IGSF21: variants seen among roughly 807,000 people sequenced by gnomAD.
The protein encoded by IGSF21 is immunoglobulin superfamily member 21.
In IGSF21, 28 loss-of-function variants were observed where a neutral mutation model predicts 46.8. The observed-to-expected ratio is 0.60, with a 90% CI of 0.44 to 0.82. The LOEUF (loss-of-function observed/expected upper bound fraction) is 0.82, where lower values mean the gene tolerates loss of function less well. Among genes scored for constraint, IGSF21 ranks in the 40% least tolerant of loss-of-function variants. The pLI is 0.00. For missense variants in IGSF21, 624 were observed against 665.5 expected (o/e 0.94, Z 0.69); for synonymous variants, 284 against 273.6 (o/e 1.04, Z -0.38).
At chr1:18,209,508 G>T (rs1162127557) in intron 1 of IGSF21, among the ~76,000 whole-genome samples, 1 of 151,716 alleles carries the variant, frequency 6.6e-6, no homozygotes, top group African/African-American at 2.4e-5. Context: ...AGGCTGGAGG[G>T]CAATGGGGTG....
At chr1:18,359,887 C>A (rs569127937) in intron 4 of IGSF21, among the ~76,000 whole-genome samples, 1 of 152,276 alleles carries the variant, frequency 6.6e-6, no homozygotes, top group South Asian at 2.1e-4. Flanking sequence ...TCCCAAAGGT[C>A]GAGGTGGCTC....
At chr1:18,213,827 T>C (rs12217038) in intron 1 of IGSF21, among the ~76,000 whole-genome samples, 14,221 of 152,164 alleles carry the variant, frequency 0.093, 812 homozygotes, top group East Asian at 0.14. Context: ...CAGGAATCCC[T>C]CTCATCAGCC....
At chr1:18,341,371 G>A (rs139692204) in intron 4 of IGSF21, among the ~76,000 whole-genome samples, 12 of 151,984 alleles carry the variant, frequency 7.9e-5, no homozygotes, top group Non-Finnish European at 1.5e-4. Flanking sequence ...TCCAAATAAG[G>A]TTACATTTAT....
chr1:18,278,296 G>A (rs2085123711), intron 2 of IGSF21, among the ~76,000 whole-genome samples: 2 of 151,834 alleles, frequency 1.3e-5, no homozygotes, highest in South Asian at 4.2e-4. Context: ...CTGGAGGGCA[G>A]TGGCGCGATC....
At chr1:18,164,955 A>G (rs1266819540) in intron 1 of IGSF21, among the ~76,000 whole-genome samples, 1 of 134,976 alleles carries the variant, frequency 7.4e-6, no homozygotes, top group African/African-American at 2.8e-5. Context: ...TCATTGTTCA[A>G]TTCCCACCTG....
chr1:18,198,754 C>T (rs527602145), intron 1 of IGSF21, among the ~76,000 whole-genome samples: 4 of 152,262 alleles, frequency 2.6e-5, no homozygotes, highest in South Asian at 2.1e-4. Flanking sequence ...CTGGGTCATC[C>T]GATGGCAGAG....
intron 2 of IGSF21, among the ~76,000 whole-genome samples, chr1:18,261,483 T>A (rs557785807): frequency 2.0e-5 from 3 of 152,370 alleles, no homozygotes; most frequent in Non-Finnish European, 4.4e-5. Flanking sequence ...CCCCCTTCCG[T>A]GGCAATGACC....
At chr1:18,284,374 C>G (rs1319573133) in intron 2 of IGSF21, among the ~76,000 whole-genome samples, 1 of 152,158 alleles carries the variant, frequency 6.6e-6, no homozygotes, top group Non-Finnish European at 1.5e-5. Flanking sequence ...ATGCTAGGCT[C>G]CTGGGATCAA....
intron 4 of IGSF21, 30 bp from the exon 5 acceptor site, chr1:18,362,085 C>T (rs950924618): frequency 2.7e-6 from 4 of 1,490,274 alleles, no homozygotes; most frequent in South Asian, 2.4e-5. Flanking sequence ...CAGTTGAGCC[C>T]TTGTCTTCCT....
chr1:18,244,880 C>T (rs1036509226), intron 2 of IGSF21, among the ~76,000 whole-genome samples: 2 of 152,068 alleles, frequency 1.3e-5, no homozygotes, highest in Admixed American at 1.3e-4. Context: ...AAATGTATAT[C>T]CTGGAACCAG....
chr1:18,162,409 A>G (rs1478730101), intron 1 of IGSF21, among the ~76,000 whole-genome samples: 1 of 152,120 alleles, frequency 6.6e-6, no homozygotes, highest in Non-Finnish European at 1.5e-5. Context: ...GGTAGAAACC[A>G]TCCTTTGAAT....
At position 18,378,268 on chromosome 1, in the gene IGSF21, C is replaced by T. The variant is rs1557669094; in HGVS notation, c.1346C>T (p.Pro449Leu). ...GTEDSNGSIG[P>L]TGARLTLVLA... ...ATTCCTGGCACAGGTTCCATTGGCC[C>T]CACTGGTGCCCGGCTCACCTTGGTG... The change falls in exon 10 of 10, where the codon CCC (proline) becomes CTC (leucine). Residue 449 changes from proline (P) to leucine (L), a missense_variant. Pro to Leu is a moderately conservative substitution (Grantham distance 98). Transcript: ENST00000251296. 1 of 1,614,044 alleles carries T rather than the reference C, an allele frequency of 6.2e-7. No individual in the cohort carries two copies.
chr1:18,208,439 T>C (rs2084355608), intron 1 of IGSF21, among the ~76,000 whole-genome samples: 1 of 139,088 alleles, frequency 7.2e-6, no homozygotes, highest in Non-Finnish European at 1.6e-5. Context: ...TGGAGTGCAG[T>C]GGCGCAATCT....
chr1:18,146,590 G>A (rs2086469035), intron 1 of IGSF21, among the ~76,000 whole-genome samples: 1 of 152,174 alleles, frequency 6.6e-6, no homozygotes, highest in African/African-American at 2.4e-5. Context: ...CCTTAGGGGA[G>A]AAGTGCCTCC....
intron 5 of IGSF21, among the ~76,000 whole-genome samples, chr1:18,362,681 A>G (rs1241601079): frequency 6.6e-6 from 1 of 152,210 alleles, no homozygotes; most frequent in Non-Finnish European, 1.5e-5. Flanking sequence ...CCACATGATC[A>G]GCAGGAAGCC....
chr1:18,287,097 C>T (rs1443933838), intron 2 of IGSF21, among the ~76,000 whole-genome samples: 10 of 149,362 alleles, frequency 6.7e-5, no homozygotes, highest in South Asian at 2.1e-4. Flanking sequence ...AGGAGAATGG[C>T]GTGAACCCGG....
intron 2 of IGSF21, among the ~76,000 whole-genome samples, chr1:18,247,869 G>A (rs566071535): frequency 1.3e-5 from 2 of 152,310 alleles, no homozygotes; most frequent in South Asian, 2.1e-4. Context: ...AGGATTTGAA[G>A]TGGGATTCAA....
intron 1 of IGSF21, among the ~76,000 whole-genome samples, chr1:18,207,175 C>T (rs1238798168): frequency 6.6e-6 from 1 of 152,162 alleles, no homozygotes. Flanking sequence ...CATTTTTCTT[C>T]AAAGACAATG....
intron 2 of IGSF21, among the ~76,000 whole-genome samples, chr1:18,230,378 C>A (rs114850393): frequency 6.6e-6 from 1 of 152,154 alleles, no homozygotes; most frequent in Non-Finnish European, 1.5e-5. Context: ...CATTGTCAGG[C>A]GCTGCATATC....
Sources: allele counts gnomAD v4.1 joint callset (sites outside exome capture counted in the v4.1 genomes callset), GRCh38; gene constraint gnomAD v4.1.1; transcripts MANE v1.5; gene names NCBI Gene and HGNC (gene_info 2026-07-23, HGNC 2026-07-21).